CMTM7: variants seen among roughly 807,000 people sequenced by gnomAD.
CMTM7 encodes the protein CKLF like MARVEL transmembrane domain containing 7.
A neutral mutation model predicts 19.3 loss-of-function variants in CMTM7; 7 were observed. The ratio of observed to expected loss-of-function variants is 0.36; its 90% confidence interval spans 0.21 to 0.68. CMTM7 has a LOEUF of 0.68. Among genes scored for constraint, CMTM7 ranks in the 30% least tolerant of loss-of-function variants. The pLI, the probability that CMTM7 is intolerant of heterozygous loss-of-function variation, is 0.60. For synonymous variants in CMTM7, 87 were observed against 99.3 expected, an observed-to-expected ratio of 0.88 and a Z score of 0.74; for missense variants, 193 against 232.6, an observed-to-expected ratio of 0.83 and a Z score of 1.11.
chr3:32,423,592 C>G (rs1696378593), intron 1 of CMTM7, among the ~76,000 whole-genome samples: 1 of 152,128 alleles, frequency 6.6e-6, no homozygotes, highest in Admixed American at 6.5e-5. Context: ...GAGCGTGGAG[C>G]CCCCAGGCCC....
intron 1 of CMTM7, among the ~76,000 whole-genome samples, chr3:32,436,652 G>A (rs182826796): frequency 2.9e-4 from 44 of 152,254 alleles, no homozygotes; most frequent in Non-Finnish European, 5.4e-4. Context: ...AAGGTCAGAT[G>A]CAGGGACAGT....
At chr3:32,398,646 A>G (rs1695954184) in intron 1 of CMTM7, among the ~76,000 whole-genome samples, 1 of 151,850 alleles carries the variant, frequency 6.6e-6, no homozygotes, top group Admixed American at 6.6e-5. Flanking sequence ...GTTTCTGAGG[A>G]AGGGACATCT....
At chr3:32,407,228 GT>G (rs1213725948) in intron 1 of CMTM7, among the ~76,000 whole-genome samples, 1 of 152,138 alleles carries the variant, frequency 6.6e-6, no homozygotes, top group Non-Finnish European at 1.5e-5. Context: ...TGGCTTATTT[GT>G]TTTCTTGCCC....
At chr3:32,395,095 C>G (rs1335109248) in intron 1 of CMTM7, among the ~76,000 whole-genome samples, 1 of 151,704 alleles carries the variant, frequency 6.6e-6, no homozygotes, top group Non-Finnish European at 1.5e-5. Flanking sequence ...GCCTTAACCT[C>G]CTGGGCTCGG....
At chr3:32,434,810 A>G (rs1023193348) in intron 1 of CMTM7, among the ~76,000 whole-genome samples, 3 of 152,190 alleles carry the variant, frequency 2.0e-5, no homozygotes, top group African/African-American at 7.2e-5. Flanking sequence ...TAGAATATAA[A>G]GAGTTCTTTG....
chr3:32,440,907 T>C (rs1696664891), intron 1 of CMTM7, among the ~76,000 whole-genome samples: 1 of 152,278 alleles, frequency 6.6e-6, no homozygotes, highest in Non-Finnish European at 1.5e-5. Context: ...TCACGGAAGC[T>C]CAGACTGTTA....
rs1423680867 is a variant in CMTM7 at position 32,394,053 on chromosome 3, C to G, written c.159+1988C>G. ...AAAACCATGCTGAGGAGTCTTACAC[C>G]TGCCCTGGAGGATTCCCCATCACTG... On this transcript the variant is annotated intron_variant, in intron 1 of 4. Transcript: ENST00000334983. Among the ~76,000 whole-genome samples, 5 of 152,212 alleles carry G rather than the reference C, an allele frequency of 3.3e-5. No homozygotes were observed. The East Asian group carries it at 9.6e-4, about 29-fold the overall frequency.
At chr3:32,405,072 A>G (rs1350632439) in intron 1 of CMTM7, among the ~76,000 whole-genome samples, 1 of 152,234 alleles carries the variant, frequency 6.6e-6, no homozygotes, top group Non-Finnish European at 1.5e-5. Flanking sequence ...AGCCAGCAAG[A>G]AAACGGGCCT....
intron 1 of CMTM7, among the ~76,000 whole-genome samples, chr3:32,411,501 T>C (rs1696175040): frequency 1.3e-5 from 2 of 152,224 alleles, no homozygotes; most frequent in South Asian, 2.1e-4. Flanking sequence ...GTGTGAGCCA[T>C]GCAGCATTTC....
rs1462446883 is a variant in CMTM7, at chr3:32,452,490, T to G, written c.514+17T>G. The stretch of plus-strand genomic sequence containing the variant: ...AGTCCACAGGTGAGTTCTGGTTATC[T>G]GTGCACAGAGGATCTCTCAGGAACA... On this transcript the variant is annotated intron_variant, in intron 4 of 4. Transcript: ENST00000334983. 1 of 1,612,546 alleles carries G rather than the reference T, an allele frequency of 6.2e-7. No individual in the cohort carries two copies.
At chr3:32,425,384 C>A (rs1317318256) in intron 1 of CMTM7, among the ~76,000 whole-genome samples, 1 of 151,912 alleles carries the variant, frequency 6.6e-6, no homozygotes, top group East Asian at 1.9e-4. Flanking sequence ...CATCAGGGAG[C>A]CTGTGGGAAA....
chr3:32,452,919 ATTTTTTTTT>A (rs368112448), intron 4 of CMTM7, among the ~76,000 whole-genome samples: 8 of 35,318 alleles, frequency 2.3e-4, no homozygotes, highest in African/African-American at 6.4e-4. Flanking sequence ...CCTAATTTCA[ATTTTTTTTT>A]TTTTTTTTTT....
chr3:32,429,959 A>G (rs1258022631), intron 1 of CMTM7, among the ~76,000 whole-genome samples: 1 of 152,192 alleles, frequency 6.6e-6, no homozygotes, highest in Non-Finnish European at 1.5e-5. Context: ...AAAAGTAGAG[A>G]GAATAGCACA....
intron 1 of CMTM7, among the ~76,000 whole-genome samples, chr3:32,414,166 C>G (rs1462338620): frequency 6.6e-6 from 1 of 152,162 alleles, no homozygotes; most frequent in Admixed American, 6.5e-5. Flanking sequence ...GAGCACTCCC[C>G]AGTTAACTTT....
rs556782687 is a variant in CMTM7 at position 32,397,189 on chromosome 3, C to T, written c.159+5124C>T. Among the ~76,000 whole-genome samples the T allele has an allele frequency of 1.8e-4, 27 of 152,222 alleles. No individual in the cohort carries two copies. In the South Asian group the frequency reaches 2.7e-3, roughly 15 times the overall value. On this transcript the variant is annotated intron_variant, in intron 1 of 4. Transcript: ENST00000334983. Reference sequence around the variant, plus strand: ...ACTCTTCAGAAAGCAAGAGGAGGAACGCACCCATTGCAAATACAATGCTTG... The same window carrying T: ...ACTCTTCAGAAAGCAAGAGGAGGAATGCACCCATTGCAAATACAATGCTTG...
intron 1 of CMTM7, among the ~76,000 whole-genome samples, chr3:32,419,611 C>T (rs994724670): frequency 6.6e-6 from 1 of 152,108 alleles, no homozygotes; most frequent in African/African-American, 2.4e-5. Flanking sequence ...TGTCAAATGC[C>T]GCTTTTTCTG....
At chr3:32,443,637 C>T (rs1282141434) in intron 2 of CMTM7, among the ~76,000 whole-genome samples, 1 of 152,196 alleles carries the variant, frequency 6.6e-6, no homozygotes, top group East Asian at 1.9e-4. Context: ...GTTTGAGGAA[C>T]CGCCAGACTG....
chr3:32,428,389 A>G (rs963162586), intron 1 of CMTM7, among the ~76,000 whole-genome samples: 12 of 152,192 alleles, frequency 7.9e-5, no homozygotes, highest in Admixed American at 3.9e-4. Flanking sequence ...AGATCGGGGT[A>G]CCTCATGGAG....
chr3:32,422,958 A>C (rs1377166587), intron 1 of CMTM7, among the ~76,000 whole-genome samples: 1 of 152,234 alleles, frequency 6.6e-6, no homozygotes, highest in Non-Finnish European at 1.5e-5. Context: ...TGTAAAGTTG[A>C]AAAATCATAA....
Sources: allele counts gnomAD v4.1 joint callset (sites outside exome capture counted in the v4.1 genomes callset), GRCh38; gene constraint gnomAD v4.1.1; transcripts MANE v1.5; gene names NCBI Gene and HGNC (gene_info 2026-07-23, HGNC 2026-07-21).